TTC7A: variants seen among roughly 807,000 people sequenced by gnomAD.
The protein encoded by TTC7A is tetratricopeptide repeat protein 7A.
Under a neutral mutation model 103.7 loss-of-function variants are expected in TTC7A, and 110 were observed. The ratio of observed to expected loss-of-function variants is 1.06; its 90% confidence interval spans 0.91 to 1.24. The LOEUF (loss-of-function observed/expected upper bound fraction) is 1.24. TTC7A is among the 50% of genes most tolerant of loss of function. The pLI, the probability that TTC7A is intolerant of heterozygous loss-of-function variation, is 0.00. For synonymous variants in TTC7A, 521 were observed against 467.9 expected (o/e 1.11, Z -1.47); for missense variants, 1,340 against 1,116.3 (o/e 1.20, Z -2.86).
intron 2 of TTC7A, 160 bp from the exon 3 acceptor site, chr2:46,956,679 G>C (rs1410424322): frequency 2.6e-5 from 18 of 700,404 alleles, no homozygotes; most frequent in Non-Finnish European, 4.5e-5. Context: ...GGGTGAGAGC[G>C]GGGAGCTGTC....
At chr2:47,066,622 T>C (rs1466660881) in intron 19 of TTC7A, among the ~76,000 whole-genome samples, 2 of 152,150 alleles carry the variant, frequency 1.3e-5, no homozygotes, top group Admixed American at 1.3e-4. Context: ...CAGCCCTGCG[T>C]TATGGGGGCG....
At chr2:47,056,440 G>T (rs1683321209) in intron 18 of TTC7A, among the ~76,000 whole-genome samples, 1 of 152,212 alleles carries the variant, frequency 6.6e-6, no homozygotes, top group Non-Finnish European at 1.5e-5. Context: ...AGAGGCCTTG[G>T]GGGTGGGCCC....
At position 47,059,009 on chromosome 2, in the gene TTC7A, C is replaced by CT. The variant is rs35753980; in HGVS notation, c.2153-1730dup. 4.6e-3 allele frequency among the ~76,000 whole-genome samples: 206 copies of CT among 44,716 alleles called. 43 individuals carry two copies. Among genetic ancestry groups the CT allele is most frequent in the Non-Finnish European group, 5.8e-3 (160 of 27,764 alleles). The allele number at this position is 44,716 out of a possible 152,430, so 29.3% of individuals were successfully genotyped here. ...GTGGGGTCCTCACCTCCTAAGCCTG[C>CT]TTTTTTTTTTTTTTTTTTTTTTTTT... On this transcript the variant is annotated intron_variant, in intron 18 of 19. Coordinates refer to ENST00000319190, the MANE Select transcript of TTC7A (RefSeq NM_020458.4).
chr2:46,974,650 A>T (rs758040995), intron 3 of TTC7A: 35 of 472,010 alleles, frequency 7.4e-5, no homozygotes, highest in Middle Eastern at 3.3e-4. Flanking sequence ...AAAAAAATAA[A>T]TTTTTTTAAA....
chr2:47,035,712 C>T (rs979476661), intron 15 of TTC7A: 2 of 152,246 alleles, frequency 1.3e-5, no homozygotes, highest in Non-Finnish European at 2.9e-5. Context: ...CCCTTTCCTT[C>T]TGGTACTTGT....
intron 11 of TTC7A, among the ~76,000 whole-genome samples, chr2:47,015,545 A>G (rs933864665): frequency 6.6e-6 from 1 of 152,158 alleles, no homozygotes; most frequent in African/African-American, 2.4e-5. Context: ...ACTTTGAGGG[A>G]GTAATTTACC....
At chr2:47,073,658 C>T (rs1338762265) in intron 19 of TTC7A, 44 bp from the exon 20 acceptor site, 23 of 1,576,124 alleles carry the variant, frequency 1.5e-5, no homozygotes, top group Non-Finnish European at 2.0e-5. Context: ...GATGCCTGTG[C>T]CATGGGACAC....
intron 19 of TTC7A, among the ~76,000 whole-genome samples, chr2:47,072,501 C>A (rs1453030033): frequency 6.6e-6 from 1 of 152,248 alleles, no homozygotes; most frequent in East Asian, 1.9e-4. Flanking sequence ...GCGCATCTTC[C>A]CCAGCGCGTC....
chr2:46,945,656 G>T (rs1670871773), intron 1 of TTC7A, among the ~76,000 whole-genome samples: 1 of 152,202 alleles, frequency 6.6e-6, no homozygotes, highest in Admixed American at 6.5e-5. Flanking sequence ...CTCCCAAAGT[G>T]CTGGAATTAT....
chr2:46,944,650 G>A (rs930074616), intron 1 of TTC7A, among the ~76,000 whole-genome samples: 1 of 152,124 alleles, frequency 6.6e-6, no homozygotes, highest in Non-Finnish European at 1.5e-5. Context: ...TTGAGGCCAG[G>A]AGTTCGAGAT....
chr2:47,015,735 G>T (rs143023937), intron 11 of TTC7A, among the ~76,000 whole-genome samples: 1 of 152,140 alleles, frequency 6.6e-6, no homozygotes, highest in East Asian at 1.9e-4. Flanking sequence ...AAAAGGATGC[G>T]CCTTGATGTT....
At chr2:47,060,403 G>T (rs889770687) in intron 18 of TTC7A, among the ~76,000 whole-genome samples, 1 of 152,034 alleles carries the variant, frequency 6.6e-6, no homozygotes, top group Admixed American at 6.6e-5. Context: ...TAAAAAAAAG[G>T]CTGCAGTGAG....
chr2:46,946,936 AAAC>A (rs1670994218), intron 1 of TTC7A, among the ~76,000 whole-genome samples: 1 of 152,094 alleles, frequency 6.6e-6, no homozygotes, highest in Non-Finnish European at 1.5e-5. Flanking sequence ...CATGGTAAAC[AAAC>A]AACAAGTAGA....
chr2:46,998,086 G>A (rs1383130272), intron 8 of TTC7A, among the ~76,000 whole-genome samples: 3 of 152,140 alleles, frequency 2.0e-5, no homozygotes, highest in African/African-American at 2.4e-5. Context: ...TGGCTGGCCA[G>A]GTGGTGTCCT....
At chr2:47,060,310 CA>C (rs1683660095) in intron 18 of TTC7A, among the ~76,000 whole-genome samples, 1 of 152,064 alleles carries the variant, frequency 6.6e-6, no homozygotes, top group African/African-American at 2.4e-5. Context: ...GCAGAGGTTA[CA>C]GTGAGCTGAG....
intron 3 of TTC7A, 61 bp from the exon 4 acceptor site, chr2:46,974,912 G>A (rs1162516064): frequency 6.3e-7 from 1 of 1,589,250 alleles, no homozygotes; most frequent in Middle Eastern, 2.1e-4. Flanking sequence ...GGCCCATGGG[G>A]AGGGCCTGGA....
chr2:46,995,311 A>T (rs1676072534), intron 8 of TTC7A, 112 bp downstream of exon 8: 2 of 1,040,816 alleles, frequency 1.9e-6, no homozygotes, highest in African/African-American at 1.6e-5. Context: ...TCTCCCAGGG[A>T]TACTCCTAAA....
intron 14 of TTC7A, among the ~76,000 whole-genome samples, chr2:47,027,253 G>A (rs1558597184): frequency 6.6e-6 from 1 of 152,208 alleles, no homozygotes; most frequent in Non-Finnish European, 1.5e-5. Flanking sequence ...CAGGGATGAG[G>A]AGGAGAAGGC....
chr2:47,062,322 G>C (rs868783280), intron 19 of TTC7A, among the ~76,000 whole-genome samples: 1 of 152,210 alleles, frequency 6.6e-6, no homozygotes, highest in Admixed American at 6.5e-5. Flanking sequence ...CCCGCTGCCT[G>C]ATTTCTATAG....
Sources: gnomAD v4.1 joint callset for allele counts (sites outside exome capture counted in the v4.1 genomes callset) on GRCh38, gnomAD v4.1.1 for gene constraint, MANE v1.5 for transcripts, NCBI Gene and HGNC (gene_info 2026-07-23, HGNC 2026-07-21) for gene names.